Variants in BAP1 observed in about 807,000 individuals in gnomAD.
BAP1 encodes the protein BRCA1 associated deubiquitinase 1, also known as ubiquitin carboxyl-terminal hydrolase BAP1.
In BAP1, 16 loss-of-function variants were observed where a neutral mutation model predicts 77.2. The observed-to-expected ratio is 0.21, with a 90% CI of 0.14 to 0.31. BAP1 has a LOEUF of 0.31. Among genes scored for constraint, BAP1 ranks in the 10% least tolerant of loss-of-function variants. The pLI is 1.00. For missense variants in BAP1, 699 were observed against 967.3 expected, an observed-to-expected ratio of 0.72 and a Z score of 3.68; for synonymous variants, 362 against 385.2, an observed-to-expected ratio of 0.94 and a Z score of 0.71.
rs1310215621 is a variant in BAP1, at chr3:52,407,866, GT to G, written c.375+91del. On this transcript the variant is annotated intron_variant, in intron 5 of 16. Coordinates refer to ENST00000460680, the MANE Select transcript of BAP1 (RefSeq NM_004656.4). Reference sequence around the variant, plus strand: ...CATTTGAAAAAGAAACAGCCTAATAGTACCCAATATCATGTGGTAGCATTCC... The same window carrying G: ...CATTTGAAAAAGAAACAGCCTAATAGACCCAATATCATGTGGTAGCATTCC... 3 of 1,556,362 alleles carry G rather than the reference GT, an allele frequency of 1.9e-6. No individual in the cohort carries two copies. In the Admixed American group the frequency reaches 5.1e-5, roughly 27 times the overall value.
rs369065146 is a variant in BAP1 at position 52,403,218 on chromosome 3, C to A, written c.1810G>T (p.Val604Leu). 6.2e-7 allele frequency: 1 copy of A among 1,614,202 alleles called. No homozygotes were observed. Among genetic ancestry groups the A allele is most frequent in the South Asian group, 1.1e-5 (1 of 91,086 alleles). The change falls in exon 14 of 17, where the codon GTG becomes TTG. Residue 604 changes from valine to leucine, a missense_variant. By Grantham distance (32) the Val-to-Leu change is conservative. Around this residue, in one of 3 missense-constraint regions of BAP1, gnomAD observed 475 missense variants for 532.4 expected, o/e 0.89. Transcript: ENST00000460680. This position sits in a 1 kb window ranked among gnomAD's most constrained non-coding sequence, Gnocchi z 4.0. ...GSSSPVEKEVVEATDSREKTG... is the reference protein window; with the variant it reads ...GSSSPVEKEVLEATDSREKTG... The stretch of plus-strand genomic sequence containing the variant: ...TTCTCTCTGCTGTCCGTGGCTTCCA[C>A]GACCTCCTTCTCCACTGGGCTGCTG...
intron 7 of BAP1, 92 bp downstream of exon 7, chr3:52,407,082 C>A (rs992129686): frequency 1.9e-6 from 3 of 1,596,358 alleles, no homozygotes; most frequent in Non-Finnish European, 2.6e-6. Flanking sequence ...ACAACCCCTG[C>A]CACTGGGTAC....
At position 52,402,810 on chromosome 3, in the gene BAP1, T is replaced by C. The variant is rs1578219024; in HGVS notation, c.1952A>G (p.Lys651Arg). 1 of 1,614,214 alleles carries C rather than the reference T, an allele frequency of 6.2e-7. No individual in the cohort carries two copies. Residue 651 changes from lysine to arginine, a missense_variant, in exon 15 of 17, where the codon AAG (lysine) becomes AGG (arginine). Lys to Arg is a conservative substitution (Grantham distance 26). Around this residue, in one of 3 missense-constraint regions of BAP1, gnomAD observed 475 missense variants for 532.4 expected, o/e 0.89. Transcript: ENST00000460680. This position sits in a 1 kb window ranked among gnomAD's most constrained non-coding sequence, Gnocchi z 5.3. ...CTTCTTCCTCTTCTCTACCTCCTCC[T>C]TGAGGCACGCCTCATAGTTTGCAAT... Reference protein sequence around the residue: ...AEIANYEACLKEEVEKRKKFK... With the variant: ...AEIANYEACLREEVEKRKKFK...
At position 52,407,440 on chromosome 3, in the gene BAP1, G is replaced by A. The variant is rs1705202583; in HGVS notation, c.396C>T (p.Gly132=). 6.2e-7 allele frequency: 1 copy of A among 1,614,176 alleles called. No individual in the cohort carries two copies. The highest frequency in any genetic ancestry group is 1.1e-5 in the South Asian group (1 of 91,090). Residue 132 remains glycine (G), a synonymous_variant, in exon 6 of 17, where the codon GGC becomes GGT. Coordinates refer to ENST00000460680, the MANE Select transcript of BAP1 (RefSeq NM_004656.4). ...GGGCCTTGGCCAACTCCGGGGCATT[G>A]CCAATCGCATATCCTTTGCTCTACG... ...FSPESKGYAI[G]NAPELAKAHN...
Position 52,404,472 on chromosome 3 carries a change from TCTGCAC to T in BAP1, c.1225_1230del (p.Val409_Gln410del). On this transcript the variant is annotated inframe_deletion, in exon 12 of 17. Coordinates refer to ENST00000460680, the MANE Select transcript of BAP1 (RefSeq NM_004656.4). ...GCTGACCTAAGGGCAGAGTTGGTGT[TCTGCAC>T]GTCATCCTCCTCGTCATCCTCATAG... is the stretch of plus-strand genomic sequence containing the variant. The T allele has an allele frequency of 1.2e-6, 2 of 1,614,238 alleles. No individual in the cohort carries two copies. The highest frequency in any genetic ancestry group is 1.7e-6 in the Non-Finnish European group (2 of 1,180,052).
At chr3:52,409,646 C>T (rs375406375) in intron 2 of BAP1, 38 bp from the exon 3 acceptor site, 32 of 1,614,040 alleles carry the variant, frequency 2.0e-5, no homozygotes, top group Non-Finnish European at 2.6e-5. Context: ...GAAGGACAGC[C>T]CCTGATGAGT....
Position 52,402,145 on chromosome 3 carries a change from G to A in BAP1, c.*143C>T. On this transcript the variant is annotated 3_prime_UTR_variant, in exon 17 of 17. Transcript: ENST00000460680. This position sits in a 1 kb window ranked among gnomAD's most constrained non-coding sequence, Gnocchi z 5.3. ...CCTCAGGGCACGATGGAAGGAATGT[G>A]GCCTGGTTCCTCCCATTCCCAGGGC... 3 of 1,368,784 alleles carry A rather than the reference G, an allele frequency of 2.2e-6. No homozygotes were observed. The highest frequency in any genetic ancestry group is 3.0e-6 in the Non-Finnish European group (3 of 1,009,454). 84.8% of individuals were successfully genotyped at this position (1,368,784 alleles called of 1,614,324 possible).
At chr3:52,408,828 G>A (rs1181257390) in intron 3 of BAP1, among the ~76,000 whole-genome samples, 1 of 152,238 alleles carries the variant, frequency 6.6e-6, no homozygotes, top group Non-Finnish European at 1.5e-5. Context: ...GCCTCTGACT[G>A]TGATGCTCCA....
Position 52,405,506 on chromosome 3 carries a change from A to C in BAP1, c.932-212T>G, listed in dbSNP as rs1406799613. 2,150 of 606,088 alleles carry C rather than the reference A, an allele frequency of 3.5e-3. 12 individuals carry two copies. Among genetic ancestry groups the C allele is most frequent in the South Asian group, 0.018 (786 of 44,112 alleles). The allele number at this position is 606,088 out of a possible 1,614,324, so 37.5% of individuals were successfully genotyped here. On this transcript the variant is annotated intron_variant, in intron 10 of 16. Transcript: ENST00000460680. ...AGAAGCAGGAAGAAAAAAAAAAAAA[A>C]AAAAAAAAAAAAAAACCGCCTCTAG...
chr3:52,404,477 A>C lies in BAP1; in HGVS notation c.1226T>G (p.Val409Gly), dbSNP rs1705081121. ...CCTAAGGGCAGAGTTGGTGTTCTGC[A>C]CGTCATCCTCCTCGTCATCCTCATA... ...DDYEDDEEDD[V>G]QNTNSALRYK... Residue 409 changes from valine (V) to glycine (G), a missense_variant, in exon 12 of 17, where the codon GTG (valine) becomes GGG (glycine). Physicochemically the swap from Val to Gly is moderately radical, Grantham distance 109. Coordinates refer to ENST00000460680, the MANE Select transcript of BAP1 (RefSeq NM_004656.4). The C allele has an allele frequency of 6.2e-7, 1 of 1,614,226 alleles. No individual in the cohort carries two copies. The highest frequency in any genetic ancestry group is 8.5e-7 in the Non-Finnish European group (1 of 1,180,034).
Position 52,403,037 on chromosome 3 carries a change from T to G in BAP1, c.1890+101A>C. On this transcript the variant is annotated intron_variant, in intron 14 of 16. Coordinates refer to ENST00000460680, the MANE Select transcript of BAP1 (RefSeq NM_004656.4). This position sits in a 1 kb window ranked among gnomAD's most constrained non-coding sequence, Gnocchi z 4.0. Reference sequence around the variant, plus strand: ...TGGCACATGGCTCCAGCCACCAATCTTCACACCAAAGTTCCAATCAAGAAC... The same window carrying G: ...TGGCACATGGCTCCAGCCACCAATCGTCACACCAAAGTTCCAATCAAGAAC... The G allele has an allele frequency of 1.9e-6, 3 of 1,599,034 alleles. No individual in the cohort carries two copies. The highest frequency in any genetic ancestry group is 1.7e-4 in the Middle Eastern group (1 of 6,038).
chr3:52,408,642 A>C, intron 3 of BAP1, 36 bp from the exon 4 acceptor site: 2 of 1,596,862 alleles, frequency 1.3e-6, no homozygotes, highest in Non-Finnish European at 1.7e-6. Context: ...GATCAGCCAA[A>C]GGGGAGAAGA....
At chr3:52,405,422 CAGCA>C in intron 10 of BAP1, 128 bp from the exon 11 acceptor site, 1 of 891,402 alleles carries the variant, frequency 1.1e-6, no homozygotes, top group Non-Finnish European at 1.6e-6. Context: ...CAATGGGAGT[CAGCA>C]AGCTCTAAGT....
In BAP1 at chr3:52,406,027, C is replaced by G. The variant is rs77419152; in HGVS notation, c.784-115G>C. ...GGCCTTGGCTCTACCCATTCACTCA[C>G]AGGGAAATAAAACACCCAAACCCAA... On this transcript the variant is annotated intron_variant, in intron 9 of 16. Transcript: ENST00000460680. This position sits in a 1 kb window ranked among gnomAD's most constrained non-coding sequence, Gnocchi z 4.6. 1.2e-3 allele frequency: 1,838 copies of G among 1,539,680 alleles called. 50 individuals are homozygous for G. The East Asian group carries it at 0.038, about 32-fold the overall frequency.
intron 4 of BAP1, 41 bp downstream of exon 4, chr3:52,408,433 C>A: frequency 6.2e-7 from 1 of 1,603,272 alleles, no homozygotes; most frequent in Non-Finnish European, 8.5e-7. Context: ...AAAAACATGG[C>A]AGCATCCCAC....
chr3:52,404,305 A>G, intron 12 of BAP1, 148 bp downstream of exon 12: 1 of 1,346,758 alleles, frequency 7.4e-7, no homozygotes, highest in Non-Finnish European at 1.1e-6. Context: ...ACCTGGGGTC[A>G]GCCCCATCAT....
Position 52,406,476 on chromosome 3 carries a change from G to A in BAP1, c.660-100C>T, listed in dbSNP as rs971766980. ...AGGGCTCCCTGCAGTCACACCTGCA[G>A]CTGTAGGTATAGGCCCCACCCCAAC... On this transcript the variant is annotated intron_variant, in intron 8 of 16. Coordinates refer to ENST00000460680, the MANE Select transcript of BAP1 (RefSeq NM_004656.4). This position sits in a 1 kb window ranked among gnomAD's most constrained non-coding sequence, Gnocchi z 4.6. 15 of 1,567,442 alleles carry A rather than the reference G, an allele frequency of 9.6e-6. No homozygotes were observed. In the East Asian group the frequency reaches 2.0e-4, roughly 21 times the overall value.
In BAP1 at chr3:52,404,506, A is replaced by G. The variant is rs756825090; in HGVS notation, c.1197T>C (p.Asp399=). The G allele has an allele frequency of 6.2e-7, 1 of 1,614,166 alleles. No individual in the cohort carries two copies. The highest frequency in any genetic ancestry group is 8.5e-7 in the Non-Finnish European group (1 of 1,180,028). ...CATCCTCCTCGTCATCCTCATAGTC[A>G]TCCTCATCATCTGAGTACTGCTGGG... is the stretch of plus-strand genomic sequence containing the variant. ...RPPQQYSDDE[D]DYEDDEEDDV... Residue 399 remains aspartate (D), a synonymous_variant, in exon 12 of 17, where the codon GAT becomes GAC. Transcript: ENST00000460680.
rs1445832780 is a variant in BAP1, at chr3:52,409,701, A to G, written c.67+13T>C. On this transcript the variant is annotated intron_variant, in intron 2 of 16. Coordinates refer to ENST00000460680, the MANE Select transcript of BAP1 (RefSeq NM_004656.4). ...GCCACAGCCCCGGTCCGGCAGGGAGAAAAGGCTCTTACCGAAATCTTCCAC... is the reference window on the plus strand; with the variant it reads ...GCCACAGCCCCGGTCCGGCAGGGAGGAAAGGCTCTTACCGAAATCTTCCAC... 1 of 1,614,098 alleles carries G rather than the reference A, an allele frequency of 6.2e-7. No homozygotes were observed. Among genetic ancestry groups the G allele is most frequent in the Non-Finnish European group, 8.5e-7 (1 of 1,180,016 alleles).
Sources: gnomAD v4.1 joint callset for allele counts (sites outside exome capture counted in the v4.1 genomes callset) on GRCh38, gnomAD v4.1.1 for gene constraint, gnomAD v4.1.1 regional missense constraint, Gnocchi (gnomAD v3.1) non-coding constraint, MANE v1.5 for transcripts, NCBI Gene and HGNC (gene_info 2026-07-23, HGNC 2026-07-21) for gene names.